The following HEATR5B variants were observed in gnomAD, a reference collection of about 807,000 sequenced individuals.
The protein encoded by HEATR5B is HEAT repeat-containing protein 5B.
A neutral mutation model predicts 224.1 loss-of-function variants in HEATR5B; 156 were observed. The ratio of observed to expected loss-of-function variants is 0.70; its 90% CI spans 0.61 to 0.80. The LOEUF is 0.80. Ranked by LOEUF, HEATR5B falls within the 30% of genes least tolerant of loss-of-function variation. HEATR5B has a pLI of 0.00. For synonymous variants in HEATR5B, 1,027 were observed against 893.0 expected (o/e 1.15, Z -2.68); for missense variants, 2,323 against 2,535.5 (o/e 0.92, Z 1.80).
intron 29 of HEATR5B, among the ~76,000 whole-genome samples, chr2:37,006,623 A>G (rs1667436735): frequency 2.0e-5 from 3 of 152,320 alleles, no homozygotes; most frequent in Admixed American, 2.0e-4. Flanking sequence ...CCTGGGCAAC[A>G]AGAGTGAAAC....
At chr2:36,995,201 T>C (rs1306905232) in intron 33 of HEATR5B, among the ~76,000 whole-genome samples, 1 of 147,802 alleles carries the variant, frequency 6.8e-6, no homozygotes, top group Non-Finnish European at 1.5e-5. Context: ...GCAATTCTCC[T>C]GCTTTAGCCT....
At chr2:37,047,011 C>G (rs139442553) in intron 18 of HEATR5B, among the ~76,000 whole-genome samples, 1 of 125,764 alleles carries the variant, frequency 8.0e-6, no homozygotes, top group Admixed American at 9.1e-5. Flanking sequence ...GATTGCACAT[C>G]TGCAACAGAA....
intron 6 of HEATR5B, among the ~76,000 whole-genome samples, chr2:37,070,876 C>G (rs1282345411): frequency 6.6e-6 from 1 of 152,188 alleles, no homozygotes; most frequent in East Asian, 1.9e-4. Context: ...ATGCAATCCT[C>G]ACAAAAATTC....
rs754591701 is a variant in HEATR5B, at chr2:37,062,009, G to A, written c.1626C>T (p.Ala542=). The A allele has an allele frequency of 1.2e-6, 2 of 1,613,582 alleles. No individual in the cohort carries two copies. The highest frequency in any genetic ancestry group is 2.2e-5 in the East Asian group (1 of 44,880). The change falls in exon 11 of 36, where the codon GCC becomes GCT. Residue 542 remains alanine (A), a synonymous_variant. Transcript: ENST00000233099. ...GCTGTAAAGATAGCCTGCTATTTTG[G>A]GCAGCAGTTCGTAAAAGATCTTCAG... ...SIAEDLLRTA[A]QNSRLSLQRT...
At chr2:37,020,223 G>C (rs1364799447) in intron 25 of HEATR5B, among the ~76,000 whole-genome samples, 1 of 152,056 alleles carries the variant, frequency 6.6e-6, no homozygotes, top group South Asian at 2.1e-4. Flanking sequence ...ACCTTTAACT[G>C]TTGTTATTAA....
At chr2:37,031,434 C>CA (rs1553428856) in intron 22 of HEATR5B, among the ~76,000 whole-genome samples, 6 of 126,004 alleles carry the variant, frequency 4.8e-5, no homozygotes, top group Non-Finnish European at 8.9e-5. Flanking sequence ...TCTTTTCTTT[C>CA]TTTTTTTTTT....
At chr2:37,053,955 G>A (rs1202261947) in intron 16 of HEATR5B, among the ~76,000 whole-genome samples, 1 of 151,666 alleles carries the variant, frequency 6.6e-6, no homozygotes, top group African/African-American at 2.4e-5. Context: ...CTCCGTGGAA[G>A]ATTTTTAAGT....
intron 2 of HEATR5B, 118 bp from the exon 3 acceptor site, chr2:37,079,449 T>G: frequency 1.8e-6 from 1 of 567,482 alleles, no homozygotes; most frequent in Non-Finnish European, 3.1e-6. Context: ...CTATATTGTA[T>G]TAAACATAAA....
chr2:37,079,491 T>C (rs975572749), intron 2 of HEATR5B, among the ~76,000 whole-genome samples, 160 bp from the exon 3 acceptor site: 2 of 152,202 alleles, frequency 1.3e-5, no homozygotes, highest in Non-Finnish European at 2.9e-5. Context: ...TGAAAAGTTC[T>C]GTAAGAAATG....
At chr2:37,082,505 T>C (rs968595954) in intron 2 of HEATR5B, among the ~76,000 whole-genome samples, 1 of 152,196 alleles carries the variant, frequency 6.6e-6, no homozygotes, top group Admixed American at 6.5e-5. Flanking sequence ...ATGTTCATGA[T>C]GGCCATAACG....
intron 20 of HEATR5B, among the ~76,000 whole-genome samples, chr2:37,038,824 C>T (rs1226844994): frequency 4.4e-5 from 6 of 137,034 alleles, no homozygotes; most frequent in South Asian, 5.2e-4. Context: ...TGCTTGAACC[C>T]GGGAGGCGGA....
intron 18 of HEATR5B, among the ~76,000 whole-genome samples, chr2:37,042,832 T>C (rs931580475): frequency 7.1e-5 from 10 of 141,582 alleles, no homozygotes; most frequent in South Asian, 2.1e-4. Flanking sequence ...GCAGAGGCTG[T>C]AGAGAGCCAA....
chr2:37,045,158 T>A (rs1670111092), intron 18 of HEATR5B, among the ~76,000 whole-genome samples: 1 of 152,212 alleles, frequency 6.6e-6, no homozygotes, highest in South Asian at 2.1e-4. Flanking sequence ...AATAGCTCTT[T>A]TAATATTCTT....
Position 37,002,349 on chromosome 2 carries a change from T to C in HEATR5B, c.5274A>G (p.Thr1758=). Residue 1758 remains threonine (T), a synonymous_variant, in exon 32 of 36, where the codon ACA becomes ACG. Transcript: ENST00000233099. ...SEESARLVAA[T]VTILSDLPSL... ...ATGGTAAATCAGAGAGTATGGTAACTGTGGCTGCCACCAAACGAGCACTTT... is the reference window on the plus strand; with the variant it reads ...ATGGTAAATCAGAGAGTATGGTAACCGTGGCTGCCACCAAACGAGCACTTT... The C allele has an allele frequency of 6.2e-7, 1 of 1,614,246 alleles. No individual in the cohort carries two copies.
intron 26 of HEATR5B, among the ~76,000 whole-genome samples, chr2:37,017,445 G>A (rs767017907): frequency 4.0e-5 from 6 of 151,532 alleles, no homozygotes; most frequent in Middle Eastern, 3.4e-3. Context: ...AGCACTTTGG[G>A]AGGCCCAGGT....
At chr2:37,018,244 T>C (rs980736783) in intron 26 of HEATR5B, among the ~76,000 whole-genome samples, 2 of 152,164 alleles carry the variant, frequency 1.3e-5, no homozygotes, top group African/African-American at 4.8e-5. Flanking sequence ...TAAGGCAAAT[T>C]CAGTATTCAT....
chr2:37,071,358 G>GAT (rs757556862), intron 6 of HEATR5B, among the ~76,000 whole-genome samples: 7 of 152,304 alleles, frequency 4.6e-5, no homozygotes, highest in South Asian at 4.1e-4. Flanking sequence ...GCACCCCTGA[G>GAT]ATATCTCTAC....
intron 27 of HEATR5B, among the ~76,000 whole-genome samples, chr2:37,010,909 C>CAA (rs747187290): frequency 3.5e-4 from 42 of 120,354 alleles, no homozygotes; most frequent in African/African-American, 1.1e-3. Context: ...GGACTGGAAG[C>CAA]AAAAAAAAAA....
chr2:37,039,046 C>T (rs575316858), intron 20 of HEATR5B, among the ~76,000 whole-genome samples: 13 of 151,656 alleles, frequency 8.6e-5, no homozygotes, highest in African/African-American at 2.7e-4. Flanking sequence ...ACGGGCTGGG[C>T]GTGGAGGCTC....
Sources: allele counts gnomAD v4.1 joint callset (sites outside exome capture counted in the v4.1 genomes callset), GRCh38; gene constraint gnomAD v4.1.1; transcripts MANE v1.5; gene names NCBI Gene and HGNC (gene_info 2026-07-23, HGNC 2026-07-21).